PTPRD: variants seen among roughly 807,000 people sequenced by gnomAD.
The protein encoded by PTPRD is protein tyrosine phosphatase receptor type D.
Under a neutral mutation model 214.5 loss-of-function variants are expected in PTPRD, and 34 were observed. The observed-to-expected ratio is 0.16, with a 90% CI of 0.12 to 0.21. The LOEUF (loss-of-function observed/expected upper bound fraction) is 0.21, where lower values mean the gene tolerates loss of function less well. Ranked by LOEUF, PTPRD falls within the 10% of genes least tolerant of loss-of-function variation. PTPRD has a pLI of 1.00. For synonymous variants in PTPRD, 1,128 were observed against 845.7 expected (o/e 1.33, Z -5.79); for missense variants, 2,545 against 2,398.7 (o/e 1.06, Z -1.27).
intron 11 of PTPRD, among the ~76,000 whole-genome samples, chr9:8,882,156 C>A (rs1055680905): frequency 2.0e-5 from 3 of 152,152 alleles, no homozygotes; most frequent in Admixed American, 6.5e-5. Flanking sequence ...TTTATAGCAT[C>A]TAGAAGAATG....
intron 11 of PTPRD, among the ~76,000 whole-genome samples, chr9:8,984,430 T>C (rs1204830016): frequency 6.6e-6 from 1 of 152,054 alleles, no homozygotes; most frequent in Non-Finnish European, 1.5e-5. Flanking sequence ...CATATATCAA[T>C]ATAAAAAAAT....
At chr9:9,325,440 T>C (rs1484863407) in intron 9 of PTPRD, among the ~76,000 whole-genome samples, 4 of 152,192 alleles carry the variant, frequency 2.6e-5, no homozygotes, top group Non-Finnish European at 5.9e-5. Context: ...AAGAATTTTA[T>C]TCCCTTTGTA....
intron 7 of PTPRD, among the ~76,000 whole-genome samples, chr9:9,651,153 G>A (rs558393691): frequency 6.6e-6 from 1 of 152,182 alleles, no homozygotes; most frequent in African/African-American, 2.4e-5. Context: ...TGGTTCTTGT[G>A]TAAAATACAT....
chr9:9,911,197 C>T (rs2079083101), intron 5 of PTPRD, among the ~76,000 whole-genome samples: 1 of 152,034 alleles, frequency 6.6e-6, no homozygotes, highest in South Asian at 2.1e-4. Context: ...AGGTAGACAG[C>T]TATGACAACA....
chr9:10,392,026 C>T, intron 2 of PTPRD, among the ~76,000 whole-genome samples: 1 of 151,748 alleles, frequency 6.6e-6, no homozygotes, highest in East Asian at 2.0e-4. Flanking sequence ...CCCTTCCCTA[C>T]TACGTTTTAT....
At chr9:9,168,859 T>C (rs892373330) in intron 10 of PTPRD, among the ~76,000 whole-genome samples, 1 of 151,982 alleles carries the variant, frequency 6.6e-6, no homozygotes, top group Non-Finnish European at 1.5e-5. Context: ...CATTAAGTAC[T>C]GTCTTTTAGA....
chr9:9,166,129 T>C (rs554787435), intron 10 of PTPRD, among the ~76,000 whole-genome samples: 1 of 147,676 alleles, frequency 6.8e-6, no homozygotes, highest in South Asian at 2.2e-4. Flanking sequence ...ATATCAAGAC[T>C]CTGGGTTTGA....
At chr9:8,953,951 T>G (rs1023928001) in intron 11 of PTPRD, among the ~76,000 whole-genome samples, 2 of 151,950 alleles carry the variant, frequency 1.3e-5, no homozygotes, top group African/African-American at 4.8e-5. Context: ...CTTAGAGAAC[T>G]TAAAACAGTG....
intron 2 of PTPRD, among the ~76,000 whole-genome samples, chr9:10,522,127 C>T (rs981699023): frequency 3.3e-5 from 5 of 152,070 alleles, no homozygotes; most frequent in African/African-American, 1.2e-4. Context: ...ACTTCAAATA[C>T]CGAAAGGTTT....
At chr9:9,244,256 T>G (rs965178052) in intron 9 of PTPRD, among the ~76,000 whole-genome samples, 1 of 152,106 alleles carries the variant, frequency 6.6e-6, no homozygotes. Context: ...TAGCTACCAA[T>G]GACTTTCTTC....
chr9:9,666,136 CA>C (rs2154383229), intron 7 of PTPRD, among the ~76,000 whole-genome samples: 1 of 151,846 alleles, frequency 6.6e-6, no homozygotes, highest in East Asian at 1.9e-4. Flanking sequence ...GGCCTTAATA[CA>C]GATGAAGTAT....
rs35323995 is a variant in PTPRD, at chr9:8,666,039, G to GTTT, written c.65-29198_65-29196dup. Among the ~76,000 whole-genome samples the GTTT allele has an allele frequency of 1.2e-4, 17 of 144,748 alleles. No individual in the cohort carries two copies. In the East Asian group the frequency reaches 1.2e-3, roughly 10 times the overall value. The allele number at this position is 144,748 out of a possible 152,430, so 95.0% of individuals were successfully genotyped here. A position where few individuals can be genotyped will look rare whatever the true frequency, so the allele number is the denominator to read the frequency against. On this transcript the variant is annotated intron_variant, in intron 12 of 45. Coordinates refer to ENST00000381196, the MANE Select transcript of PTPRD (RefSeq NM_002839.4). ...CTGCACATTTAGGCGTTTCATAACT[G>GTTT]TTTTTTTTTTTTCTGAATGAAAATC... is the stretch of plus-strand genomic sequence containing the variant.
At chr9:8,617,473 C>A (rs78751401) in intron 14 of PTPRD, among the ~76,000 whole-genome samples, 1 of 152,150 alleles carries the variant, frequency 6.6e-6, no homozygotes, top group Non-Finnish European at 1.5e-5. Context: ...TACTAGGCTA[C>A]AATCAACATC....
chr9:10,068,182 G>C (rs1259555009), intron 3 of PTPRD, among the ~76,000 whole-genome samples: 3 of 151,804 alleles, frequency 2.0e-5, no homozygotes, highest in African/African-American at 7.3e-5. Flanking sequence ...GCAGGAGAAA[G>C]CATATCAGAC....
chr9:9,104,545 C>T (rs995835946), intron 10 of PTPRD, among the ~76,000 whole-genome samples: 2 of 152,120 alleles, frequency 1.3e-5, no homozygotes, highest in African/African-American at 4.8e-5. Flanking sequence ...CAAAGATACT[C>T]AAGCCCACTG....
At chr9:9,400,743 C>T (rs548116537) in intron 8 of PTPRD, among the ~76,000 whole-genome samples, 1 of 152,000 alleles carries the variant, frequency 6.6e-6, no homozygotes, top group Admixed American at 6.6e-5. Context: ...TCTAGTGATG[C>T]TGGTAAGAGT....
chr9:10,556,921 A>C (rs1353223306), intron 2 of PTPRD, among the ~76,000 whole-genome samples: 1 of 152,150 alleles, frequency 6.6e-6, no homozygotes, highest in East Asian at 1.9e-4. Flanking sequence ...AAAAAATAAT[A>C]CAAAGAAAAC....
At chr9:10,387,858 A>T (rs1377203926) in intron 2 of PTPRD, among the ~76,000 whole-genome samples, 1 of 109,836 alleles carries the variant, frequency 9.1e-6, no homozygotes, top group Non-Finnish European at 1.7e-5. Flanking sequence ...AAAAGGTCTC[A>T]CTATGTTGCT....
At chr9:10,387,656 A>G in intron 2 of PTPRD, among the ~76,000 whole-genome samples, 1 of 151,756 alleles carries the variant, frequency 6.6e-6, no homozygotes, top group Non-Finnish European at 1.5e-5. Flanking sequence ...GTGTCATTGT[A>G]CAATTCACTC....
Sources: gnomAD v4.1 joint callset for allele counts (sites outside exome capture counted in the v4.1 genomes callset) on GRCh38, gnomAD v4.1.1 for gene constraint, MANE v1.5 for transcripts, NCBI Gene and HGNC (gene_info 2026-07-23, HGNC 2026-07-21) for gene names.